The following ABCA9 variants were observed in gnomAD, a reference collection of about 807,000 sequenced individuals.
ABCA9 encodes the protein ATP binding cassette subfamily A member 9, also known as ATP-binding cassette sub-family A member 9.
A neutral mutation model predicts 205.3 loss-of-function variants in ABCA9; 183 were observed. The ratio of observed to expected loss-of-function variants is 0.89; its 90% CI spans 0.79 to 1.01. ABCA9 has a LOEUF of 1.01. ABCA9 is among the 50% of genes least tolerant of loss of function. The pLI is 0.00. For synonymous variants in ABCA9, 651 were observed against 683.3 expected (o/e 0.95, Z 0.74); for missense variants, 1,805 against 1,912.4 (o/e 0.94, Z 1.05).
At chr17:69,056,584 T>TCAGA (rs2072076058) in intron 1 of ABCA9, among the ~76,000 whole-genome samples, 1 of 152,186 alleles carries the variant, frequency 6.6e-6, no homozygotes, top group Non-Finnish European at 1.5e-5. Flanking sequence ...GGAAATTCTA[T>TCAGA]CAGACTGTTA....
chr17:69,006,651 G>T (rs2070142681), intron 25 of ABCA9, among the ~76,000 whole-genome samples: 1 of 152,140 alleles, frequency 6.6e-6, no homozygotes, highest in Non-Finnish European at 1.5e-5. Context: ...TTGGAAATGG[G>T]ATGGAAGGGG....
rs201051620 is a variant in ABCA9 at position 68,986,181 on chromosome 17, T to C, written c.4191A>G (p.Ala1397=). Residue 1397 remains alanine (A), a synonymous_variant, in exon 32 of 39, where the codon GCA becomes GCG. Transcript: ENST00000340001. ...AAVKGLRKGD[A]MIAITRLVDA... is the part of the protein sequence containing the mutation. ...CCAGGTACCGTGTGATGGCGATCAT[T>C]GCGTCCCCTTTCCTGAGACCTTTCA... is the stretch of plus-strand genomic sequence containing the variant. The C allele has an allele frequency of 2.2e-5, 35 of 1,611,946 alleles. No homozygotes were observed. The African/African-American group carries it at 4.4e-4, about 20-fold the overall frequency.
the ABCA9 span, among the ~76,000 whole-genome samples, chr17:69,066,609 GT>G: frequency 2.2e-3 from 328 of 147,254 alleles, no homozygotes; most frequent in Middle Eastern, 3.5e-3. Flanking sequence ...GATGGGACAG[GT>G]TTTTTTTTTT....
At chr17:69,037,953 A>G (rs957714323) in intron 6 of ABCA9, among the ~76,000 whole-genome samples, 1 of 152,192 alleles carries the variant, frequency 6.6e-6, no homozygotes, top group Non-Finnish European at 1.5e-5. Context: ...TACGCAAATA[A>G]ACTAGAAAAT....
chr17:69,014,366 G>A (rs368561805), intron 22 of ABCA9, among the ~76,000 whole-genome samples: 12 of 152,166 alleles, frequency 7.9e-5, no homozygotes, highest in South Asian at 6.2e-4. Flanking sequence ...TGAAACAAAC[G>A]AATTTCATGT....
intron 25 of ABCA9, among the ~76,000 whole-genome samples, chr17:69,000,807 GGTTTGTAGT>G (rs1370591712): frequency 0.065 from 9,698 of 149,664 alleles, 1,008 homozygotes; most frequent in African/African-American, 0.23. Context: ...CTTGAGCAGT[GGTTTGTAGT>G]TCTCCTTGAA....
chr17:69,063,549 G>A (rs1428986827), upstream of ABCA9, among the ~76,000 whole-genome samples: 2 of 152,104 alleles, frequency 1.3e-5, no homozygotes, highest in African/African-American at 4.8e-5. Context: ...CTGCCTGCAT[G>A]TGAGTTTTGT....
chr17:69,021,885 TTA>T, intron 17 of ABCA9, 24 bp from the exon 18 acceptor site: 1 of 1,371,740 alleles, frequency 7.3e-7, no homozygotes, highest in Non-Finnish European at 9.9e-7. Flanking sequence ...CAAAAACAGA[TTA>T]TAAGAATATA....
chr17:68,978,308 T>C (rs1474514945), intron 37 of ABCA9, among the ~76,000 whole-genome samples: 1 of 152,194 alleles, frequency 6.6e-6, no homozygotes, highest in Non-Finnish European at 1.5e-5. Flanking sequence ...TTTTTTTGTT[T>C]TCCATTTGCT....
the ABCA9 span, among the ~76,000 whole-genome samples, chr17:69,073,465 CTA>C: frequency 6.6e-6 from 1 of 152,180 alleles, no homozygotes; most frequent in African/African-American, 2.4e-5. Context: ...AACTGCACAA[CTA>C]CATGGAAACT....
Position 69,027,397 on chromosome 17 carries a change from G to C in ABCA9, c.1844C>G (p.Ala615Gly), listed in dbSNP as rs1160473427. 1.2e-6 allele frequency: 2 copies of C among 1,612,924 alleles called. No homozygotes were observed. Among genetic ancestry groups the C allele is most frequent in the East Asian group, 2.2e-5 (1 of 44,784 alleles). ...LEMENIQDIL[A>G]QNLSGGQNRK... ...ATTTTGTCCACCACTTAAGTTTTGA[G>C]CAAGGATGTCTTGAATATTTTCCAT... is the stretch of plus-strand genomic sequence containing the variant. The change falls in exon 14 of 39, where the codon GCT becomes GGT. Residue 615 changes from alanine to glycine, a missense_variant. Transcript: ENST00000340001.
chr17:69,063,746 G>C (rs2072311711), upstream of ABCA9, among the ~76,000 whole-genome samples: 1 of 152,016 alleles, frequency 6.6e-6, no homozygotes, highest in Non-Finnish European at 1.5e-5. Flanking sequence ...CTAATTTTTT[G>C]TATTTTTAGT....
the ABCA9 span, chr17:69,078,952 A>C: frequency 6.6e-7 from 1 of 1,524,020 alleles, no homozygotes; most frequent in Non-Finnish European, 9.0e-7. Flanking sequence ...AGATCAACAA[A>C]AAATTACTAG....
chr17:69,026,365 T>G lies in ABCA9; in HGVS notation c.2141+12A>C. Reference sequence around the variant, plus strand: ...GCATCTGTCAACACGTCTCCAACATTCAGGGCTGTACCTTAAATGGTAGCC... The same window carrying G: ...GCATCTGTCAACACGTCTCCAACATGCAGGGCTGTACCTTAAATGGTAGCC... On this transcript the variant is annotated intron_variant, in intron 16 of 38. Coordinates refer to ENST00000340001, the MANE Select transcript of ABCA9 (RefSeq NM_080283.4). 2 of 1,607,922 alleles carry G rather than the reference T, an allele frequency of 1.2e-6. No homozygotes were observed. The highest frequency in any genetic ancestry group is 1.7e-6 in the Non-Finnish European group (2 of 1,175,668).
At position 69,001,313 on chromosome 17, in the gene ABCA9, G is replaced by T. The variant is rs545061198; in HGVS notation, c.3436-5299C>A. On this transcript the variant is annotated intron_variant, in intron 25 of 38. Coordinates refer to ENST00000340001, the MANE Select transcript of ABCA9 (RefSeq NM_080283.4). ...CCCATCAATACCTAATTTATTGAGA[G>T]TTTTTAGCATGCAAGGTTGTTGAAT... is the stretch of plus-strand genomic sequence containing the variant. Among the ~76,000 whole-genome samples the T allele has an allele frequency of 9.2e-5, 14 of 152,296 alleles. No individual in the cohort carries two copies. In the South Asian group the frequency reaches 2.9e-3, roughly 32 times the overall value.
intron 19 of ABCA9, chr17:69,020,066 A>C (rs2070762921): frequency 4.6e-6 from 1 of 216,310 alleles, no homozygotes; most frequent in Admixed American, 5.2e-5. Context: ...ACAGATTTTG[A>C]TACCTTGGGA....
chr17:68,995,773 C>T (rs962503400), intron 26 of ABCA9, 122 bp downstream of exon 26: 1 of 1,299,028 alleles, frequency 7.7e-7, no homozygotes, highest in African/African-American at 1.5e-5. Context: ...AACTGACTTT[C>T]CAAAGACAGA....
At chr17:69,005,378 C>T (rs2144154484) in intron 25 of ABCA9, among the ~76,000 whole-genome samples, 1 of 152,308 alleles carries the variant, frequency 6.6e-6, no homozygotes, top group Admixed American at 6.5e-5. Context: ...CGTTGGGCCA[C>T]AGTCCAATTC....
At chr17:69,067,634 A>C in the ABCA9 span, among the ~76,000 whole-genome samples, 1 of 152,042 alleles carries the variant, frequency 6.6e-6, no homozygotes, top group Admixed American at 6.5e-5. Context: ...GAAAGAAAGA[A>C]ACAAAGAGAA....
Sources: gnomAD v4.1 joint callset for allele counts (sites outside exome capture counted in the v4.1 genomes callset) on GRCh38, gnomAD v4.1.1 for gene constraint, MANE v1.5 for transcripts, NCBI Gene and HGNC (gene_info 2026-07-23, HGNC 2026-07-21) for gene names.